MMP25: variants seen among roughly 807,000 people sequenced by gnomAD.
MMP25 encodes matrix metalloproteinase-25.
In MMP25, 68 loss-of-function variants were observed where a neutral mutation model predicts 62.1. The observed-to-expected ratio is 1.10, with a 90% CI of 0.90 to 1.34. The LOEUF is 1.34. MMP25 is among the 40% of genes most tolerant of loss of function. The pLI is 0.00. For missense variants in MMP25, 942 were observed against 792.5 expected (o/e 1.19, Z -2.26); for synonymous variants, 407 against 345.6 (o/e 1.18, Z -1.97).
Position 3,058,940 on chromosome 16 carries a change from C to A in MMP25, c.1531C>A (p.Pro511Thr). 1 of 1,549,960 alleles carries A rather than the reference C, an allele frequency of 6.5e-7. No individual in the cohort carries two copies. The part of the protein sequence containing the change: ...MGPNWLDCPA[P>T]SSGPRAPRPP... Reference sequence around the variant, plus strand: ...GCCCAACTGGCTGGACTGCCCCGCCCCGAGCTCTGGTCCCCGCGCCCCCAG... The same window carrying A: ...GCCCAACTGGCTGGACTGCCCCGCCACGAGCTCTGGTCCCCGCGCCCCCAG... Residue 511 changes from proline (P) to threonine (T), a missense_variant, in exon 10 of 10, where the codon CCG becomes ACG. Transcript: ENST00000336577.
chr16:3,047,336 G>T, intron 1 of MMP25, 79 bp from the exon 2 acceptor site: 5 of 1,535,144 alleles, frequency 3.3e-6, no homozygotes, highest in Middle Eastern at 1.9e-4. Context: ...GGAGGGGCAG[G>T]GCTGCCAGGA....
At chr16:3,049,534 AG>A in intron 2 of MMP25, among the ~76,000 whole-genome samples, 1 of 152,256 alleles carries the variant, frequency 6.6e-6, no homozygotes, top group South Asian at 2.1e-4. Flanking sequence ...CTAACCCAGG[AG>A]GGGGTGGCTT....
intron 4 of MMP25, chr16:3,055,721 C>T: frequency 2.5e-6 from 1 of 407,304 alleles, no homozygotes; most frequent in Non-Finnish European, 5.0e-6. Flanking sequence ...TGAACCTGCC[C>T]TGAACAGTGC....
At chr16:3,050,695 C>T (rs1404021862) in intron 4 of MMP25, 149 bp downstream of exon 4, 2 of 763,350 alleles carry the variant, frequency 2.6e-6, no homozygotes, top group Admixed American at 3.7e-5. Context: ...CTAACTGCAA[C>T]CACGAACTTC....
chr16:3,056,473 C>T (rs1368173905), intron 4 of MMP25, among the ~76,000 whole-genome samples: 2 of 151,792 alleles, frequency 1.3e-5, no homozygotes, highest in African/African-American at 2.4e-5. Context: ...GGTCATGCGT[C>T]ACTGCAGCCT....
At chr16:3,055,929 A>G (rs182842578) in intron 4 of MMP25, 48 of 455,492 alleles carry the variant, frequency 1.1e-4, no homozygotes, top group Non-Finnish European at 1.8e-4. Context: ...GGGTCCTGGC[A>G]GTCCTGAGCG....
At position 3,058,609 on chromosome 16, in the gene MMP25, G is replaced by A. The variant is rs202172974; in HGVS notation, c.1357G>A (p.Asp453Asn). The change falls in exon 9 of 10, where the codon GAC (aspartate) becomes AAC (asparagine). Residue 453 changes from aspartate (D) to asparagine (N), a missense_variant. By Grantham distance (23) the Asp-to-Asn change is conservative. Transcript: ENST00000336577. ...AARPDPGYPR[D>N]LSLWEGAPPS... ...GCGCCCGGACCCCGGCTACCCTCGCGACCTGAGCCTCTGGGAAGGCGCGCC... is the reference window on the plus strand; with the variant it reads ...GCGCCCGGACCCCGGCTACCCTCGCAACCTGAGCCTCTGGGAAGGCGCGCC... The A allele has an allele frequency of 4.4e-5, 70 of 1,607,296 alleles. No individual in the cohort carries two copies. In the African/African-American group the frequency reaches 8.8e-4, roughly 20 times the overall value.
At chr16:3,049,746 T>C (rs1443186278) in intron 2 of MMP25, among the ~76,000 whole-genome samples, 1 of 152,204 alleles carries the variant, frequency 6.6e-6, no homozygotes, top group African/African-American at 2.4e-5. Flanking sequence ...AATCCTGGCC[T>C]GAGCCTCTGA....
At position 3,057,088 on chromosome 16, in the gene MMP25, G is replaced by A. The variant is rs748540592; in HGVS notation, c.717G>A (p.Leu239=). ...AVAVHEFGHA[L]GLGHSSAPNS... is the part of the protein sequence containing the mutation. ...CTGTCCATGAGTTTGGCCACGCCCT[G>A]GGCCTGGGCCACTCCTCAGCCCCCA... is the stretch of plus-strand genomic sequence containing the variant. Residue 239 remains leucine, a synonymous_variant, in exon 5 of 10, where the codon CTG becomes CTA. Coordinates refer to ENST00000336577, the MANE Select transcript of MMP25 (RefSeq NM_022468.5). The A allele has an allele frequency of 3.1e-6, 5 of 1,611,282 alleles. No individual in the cohort carries two copies. Among genetic ancestry groups the A allele is most frequent in the Non-Finnish European group, 4.2e-6 (5 of 1,178,768 alleles).
chr16:3,058,384 C>G, intron 8 of MMP25, 28 bp from the exon 9 acceptor site: 1 of 1,509,904 alleles, frequency 6.6e-7, no homozygotes, highest in African/African-American at 1.4e-5. Context: ...GGGAGCCCAC[C>G]CCTGACCTCC....
rs887639247 is a variant in MMP25, at chr16:3,059,517, G to T, written c.*419G>T. The T allele has an allele frequency of 3.6e-5, 6 of 165,696 alleles. No homozygotes were observed. Among genetic ancestry groups the T allele is most frequent in the Non-Finnish European group, 7.7e-5 (6 of 77,530 alleles). The allele number at this position is 165,696 out of a possible 1,614,324, so 10.3% of individuals were successfully genotyped here. A position where few individuals can be genotyped will look rare whatever the true frequency, so the allele number is the denominator to read the frequency against. ...GCAGCCCCGGTCGCGCGCTGGCCCCGCAGGACCTTCCTTTTCCAGGAAGAG... is the reference window on the plus strand; with the variant it reads ...GCAGCCCCGGTCGCGCGCTGGCCCCTCAGGACCTTCCTTTTCCAGGAAGAG... On this transcript the variant is annotated 3_prime_UTR_variant, in exon 10 of 10. Transcript: ENST00000336577.
rs750990039 is a variant in MMP25, at chr16:3,050,124, G to A, written c.348G>A (p.Lys116=). 24 of 1,607,614 alleles carry A rather than the reference G, an allele frequency of 1.5e-5. No homozygotes were observed. Among genetic ancestry groups the A allele is most frequent in the Non-Finnish European group, 2.0e-5 (23 of 1,175,778 alleles). ...ACGCTCTGAGCGGCAGCGTGTGGAA[G>A]AAGCGAACCCTGACATGGAGGTAGG... ...RRYALSGSVW[K]KRTLTWRVRS... The change falls in exon 3 of 10, where the codon AAG becomes AAA. Residue 116 remains lysine, a synonymous_variant. Coordinates refer to ENST00000336577, the MANE Select transcript of MMP25 (RefSeq NM_022468.5).
In MMP25 at chr16:3,050,502, A is replaced by C; in HGVS notation, c.617A>C (p.Asp206Ala). 1.3e-6 allele frequency: 2 copies of C among 1,592,122 alleles called. No homozygotes were observed. The highest frequency in any genetic ancestry group is 2.2e-5 in the South Asian group (2 of 89,212). Residue 206 changes from aspartate (D) to alanine (A), a missense_variant, in exon 4 of 10, where the codon GAC becomes GCC. Transcript: ENST00000336577. ...CCTGGGGAGCACCCCATCTCCGGGG[A>C]CACTCACTTTGACGATGAGGAGACC... ...FFPGEHPISGDTHFDDEETWT... is the reference protein window; with the variant it reads ...FFPGEHPISGATHFDDEETWT...
At position 3,047,531 on chromosome 16, in the gene MMP25, G is replaced by C; in HGVS notation, c.216G>C (p.Pro72=). Reference sequence around the variant, plus strand: ...TCATGCAGAGGTTCGCGGGGCTGCCGGAGACCGGCCGCATGGGTAGGTGGC... The same window carrying C: ...TCATGCAGAGGTTCGCGGGGCTGCCCGAGACCGGCCGCATGGGTAGGTGGC... The part of the protein sequence containing the change: ...IKVMQRFAGL[P]ETGRMDPGTV... The change falls in exon 2 of 10, where the codon CCG becomes CCC. Residue 72 remains proline (P), a synonymous_variant. Coordinates refer to ENST00000336577, the MANE Select transcript of MMP25 (RefSeq NM_022468.5). The C allele has an allele frequency of 6.2e-7, 1 of 1,613,364 alleles. No individual in the cohort carries two copies. Among genetic ancestry groups the C allele is most frequent in the Non-Finnish European group, 8.5e-7 (1 of 1,179,916 alleles).
rs2151151024 is a variant in MMP25 at position 3,046,848 on chromosome 16, C to A, written c.-70C>A. ...CCCTCTCCAGGCCCGGATCTCCTCC[C>A]CCAGGTCCCCGGGGCGGCCCCAGCC... On this transcript the variant is annotated 5_prime_UTR_variant, in exon 1 of 10. Transcript: ENST00000336577. The A allele has an allele frequency of 4.5e-6, 4 of 895,730 alleles. No individual in the cohort carries two copies. The East Asian group carries it at 1.3e-4, about 30-fold the overall frequency. The allele number at this position is 895,730 out of a possible 1,614,324, so 55.5% of individuals were successfully genotyped here.
chr16:3,057,038 G>A lies in MMP25; in HGVS notation c.667G>A (p.Glu223Lys), dbSNP rs375193851. 8.9e-6 allele frequency: 14 copies of A among 1,572,752 alleles called. No homozygotes were observed. The highest frequency in any genetic ancestry group is 4.5e-5 in the East Asian group (2 of 44,308). The part of the protein sequence containing the change: ...ETWTFGSKDG[E>K]GTDLFAVAVH... The stretch of plus-strand genomic sequence containing the variant: ...TCACCCACTTTCTCCTGCAGACGGC[G>A]AGGGGACCGACCTGTTTGCCGTGGC... Residue 223 changes from glutamate (E) to lysine (K), a missense_variant, in exon 5 of 10, where the codon GAG (glutamate) becomes AAG (lysine). By Grantham distance (56) the Glu-to-Lys change is moderately conservative. Transcript: ENST00000336577.
rs930664099 is a variant in MMP25 at position 3,059,047 on chromosome 16, C to T, written c.1638C>T (p.Pro546=). The change falls in exon 10 of 10, where the codon CCC becomes CCT. Residue 546 remains proline (P), a synonymous_variant. Transcript: ENST00000336577. ...LNQAAGRWPA[P]IPLLLLPLLV... ...AGGCCGCAGGACGTTGGCCTGCTCC[C>T]ATCCCGCTGCTCCTCTTGCCCCTGC... 3.6e-5 allele frequency: 56 copies of T among 1,551,916 alleles called. No homozygotes were observed. Among genetic ancestry groups the T allele is most frequent in the Non-Finnish European group, 4.3e-5 (49 of 1,147,434 alleles).
chr16:3,058,782 G>C, intron 9 of MMP25, 45 bp from the exon 10 acceptor site: 1 of 1,496,762 alleles, frequency 6.7e-7, no homozygotes. Context: ...GCATCAGGGA[G>C]CGGCGGGGCG....
At position 3,049,989 on chromosome 16, in the gene MMP25, C is replaced by A; in HGVS notation, c.233-20C>A. On this transcript the variant is annotated intron_variant, in intron 2 of 9. Transcript: ENST00000336577. ...TCTCCTATTGTGGACACACCCCCCA[C>A]CGCCAAATGTCTCCCGCAGACCCAG... The A allele has an allele frequency of 1.2e-6, 2 of 1,606,732 alleles. No individual in the cohort carries two copies. Among genetic ancestry groups the A allele is most frequent in the Non-Finnish European group, 1.7e-6 (2 of 1,179,920 alleles).
Sources: allele counts gnomAD v4.1 joint callset (sites outside exome capture counted in the v4.1 genomes callset), GRCh38; gene constraint gnomAD v4.1.1; transcripts MANE v1.5; gene names NCBI Gene and HGNC (gene_info 2026-07-23, HGNC 2026-07-21).